FGD4: variants seen among roughly 807,000 people sequenced by gnomAD.
FGD4 encodes FYVE, RhoGEF and PH domain-containing protein 4.
In FGD4, 42 loss-of-function variants were observed where a neutral mutation model predicts 102.0. The ratio of observed to expected loss-of-function variants is 0.41; its 90% CI spans 0.32 to 0.53. The LOEUF (loss-of-function observed/expected upper bound fraction) is 0.53. Among genes scored for constraint, FGD4 ranks in the 20% least tolerant of loss-of-function variants. The pLI, the probability that FGD4 is intolerant of heterozygous loss-of-function variation, is 0.21. For synonymous variants in FGD4, 380 were observed against 375.7 expected (o/e 1.01, Z -0.13); for missense variants, 902 against 1,078.2 (o/e 0.84, Z 2.29).
At chr12:32,626,190 A>T (rs982957848) in intron 14 of FGD4, among the ~76,000 whole-genome samples, 2 of 152,202 alleles carry the variant, frequency 1.3e-5, no homozygotes, top group Non-Finnish European at 2.9e-5. Context: ...TACGCCTATA[A>T]TCCCAGCACT....
chr12:32,470,463 C>CTTTTTTTT (rs551854980), intron 1 of FGD4, among the ~76,000 whole-genome samples: 9 of 130,832 alleles, frequency 6.9e-5, no homozygotes, highest in East Asian at 2.2e-4. Flanking sequence ...TTTTCTTTTT[C>CTTTTTTTT]TTTTTTTTTT....
chr12:32,561,286 C>T (rs922039409), intron 1 of FGD4, among the ~76,000 whole-genome samples: 2 of 151,634 alleles, frequency 1.3e-5, no homozygotes, highest in South Asian at 2.1e-4. Context: ...GGGGTTTTAC[C>T]ATGTTGGCCA....
At chr12:32,576,242 C>T (rs755688214) in intron 2 of FGD4, 24 bp from the exon 3 acceptor site, 1 of 1,553,608 alleles carries the variant, frequency 6.4e-7, no homozygotes, top group Non-Finnish European at 8.7e-7. Context: ...CAGTGAAATA[C>T]TATATTCTAT....
chr12:32,529,578 C>T lies in FGD4; in HGVS notation c.167-34559C>T, dbSNP rs531277842. ...TGACATTGCCGGCCGGGCACGGTAGCTCACGCCTGTAATCCCAGCACTTTG... is the reference window on the plus strand; with the variant it reads ...TGACATTGCCGGCCGGGCACGGTAGTTCACGCCTGTAATCCCAGCACTTTG... On this transcript the variant is annotated intron_variant, in intron 1 of 16. Transcript: ENST00000534526. Among the ~76,000 whole-genome samples, 3 of 151,754 alleles carry T rather than the reference C, an allele frequency of 2.0e-5. No homozygotes were observed. In the East Asian group the frequency reaches 5.9e-4, roughly 30 times the overall value.
chr12:32,589,183 TATTA>T (rs1381175745), intron 4 of FGD4, among the ~76,000 whole-genome samples: 2 of 152,374 alleles, frequency 1.3e-5, no homozygotes, highest in African/African-American at 2.4e-5. Flanking sequence ...GCTATGTGTT[TATTA>T]ATTAAACATC....
At chr12:32,441,177 G>A (rs147232548) in intron 1 of FGD4, among the ~76,000 whole-genome samples, 6,168 of 152,214 alleles carry the variant, frequency 0.041, 193 homozygotes, top group Middle Eastern at 0.13. Flanking sequence ...GCAAGATGAA[G>A]TCCCCTTTAC....
chr12:32,535,570 C>A (rs1306998274), intron 1 of FGD4, among the ~76,000 whole-genome samples: 1 of 152,062 alleles, frequency 6.6e-6, no homozygotes, highest in Non-Finnish European at 1.5e-5. Flanking sequence ...GGCGTTCCAC[C>A]ACTCTTGCAT....
At position 32,399,613 on chromosome 12, in the gene FGD4, G is replaced by A; in HGVS notation, c.-181G>A. ...GAGTCGCCGCAGCCAAACTCGCCGC[G>A]ACGCCGGGAGGGAGCGTACCGGGAA... On this transcript the variant is annotated 5_prime_UTR_variant, in exon 1 of 17. Transcript: ENST00000534526. 1 of 1,389,994 alleles carries A rather than the reference G, an allele frequency of 7.2e-7. No homozygotes were observed. 86.1% of individuals were successfully genotyped at this position (1,389,994 alleles called of 1,614,324 possible). A position where few individuals can be genotyped will look rare whatever the true frequency, so the allele number is the denominator to read the frequency against.
intron 1 of FGD4, among the ~76,000 whole-genome samples, chr12:32,402,407 G>C (rs916056261): frequency 2.0e-5 from 3 of 151,766 alleles, no homozygotes; most frequent in African/African-American, 7.3e-5. Flanking sequence ...CAAAAAGAGA[G>C]GGAGAGGGAG....
At chr12:32,478,182 T>C (rs1565764830) in intron 1 of FGD4, among the ~76,000 whole-genome samples, 1 of 152,220 alleles carries the variant, frequency 6.6e-6, no homozygotes, top group African/African-American at 2.4e-5. Flanking sequence ...TTTAATGCTT[T>C]TGTTTCTGGT....
chr12:32,529,607 G>A (rs1044040729), intron 1 of FGD4, among the ~76,000 whole-genome samples: 4 of 151,788 alleles, frequency 2.6e-5, no homozygotes, highest in Non-Finnish European at 5.9e-5. Flanking sequence ...CACTTTGGGA[G>A]GCTGAGGTGG....
intron 10 of FGD4, among the ~76,000 whole-genome samples, chr12:32,613,365 G>C (rs73083471): frequency 6.6e-6 from 1 of 152,188 alleles, no homozygotes; most frequent in African/African-American, 2.4e-5. Context: ...ACTATGCGTA[G>C]ATTTCAAAGC....
At chr12:32,543,750 C>T (rs1401207527) in intron 1 of FGD4, among the ~76,000 whole-genome samples, 3 of 152,150 alleles carry the variant, frequency 2.0e-5, no homozygotes, top group Admixed American at 2.0e-4. Context: ...CCTCAGCCTC[C>T]CAAGTAGCTG....
intron 1 of FGD4, among the ~76,000 whole-genome samples, chr12:32,563,846 C>G (rs879243080): frequency 6.6e-6 from 1 of 152,224 alleles, no homozygotes; most frequent in Non-Finnish European, 1.5e-5. Flanking sequence ...CAAAAAAGTA[C>G]GAAAACCAAT....
chr12:32,451,120 TC>T lies in FGD4; in HGVS notation c.166+51162del, dbSNP rs1477176968. Among the ~76,000 whole-genome samples, 3 of 152,340 alleles carry T rather than the reference TC, an allele frequency of 2.0e-5. No individual in the cohort carries two copies. In the East Asian group the frequency reaches 5.8e-4, roughly 29 times the overall value. On this transcript the variant is annotated intron_variant, in intron 1 of 16. Transcript: ENST00000534526. ...CAAAGAGCAAAAGTTCTTATTGAGG[TC>T]TTGCCTATCTCCTTTAACCTTAAAT...
intron 1 of FGD4, among the ~76,000 whole-genome samples, chr12:32,438,844 G>A (rs543633872): frequency 6.4e-4 from 97 of 152,082 alleles, no homozygotes; most frequent in East Asian, 1.9e-3. Flanking sequence ...TCCTGACCTC[G>A]TGATCCGCCT....
At chr12:32,434,863 GA>G (rs1274345501) in intron 1 of FGD4, among the ~76,000 whole-genome samples, 1 of 152,064 alleles carries the variant, frequency 6.6e-6, no homozygotes, top group Non-Finnish European at 1.5e-5. Flanking sequence ...TGAATAAGAT[GA>G]AAAAAATCAA....
chr12:32,520,169 CTCT>C (rs1357443127), intron 1 of FGD4, among the ~76,000 whole-genome samples: 1 of 152,108 alleles, frequency 6.6e-6, no homozygotes, highest in Non-Finnish European at 1.5e-5. Flanking sequence ...CGATGAATCT[CTCT>C]TCATGGCAGT....
chr12:32,630,561 TC>T (rs1330581357), intron 14 of FGD4, among the ~76,000 whole-genome samples: 1 of 151,990 alleles, frequency 6.6e-6, no homozygotes, highest in Non-Finnish European at 1.5e-5. Flanking sequence ...ATGCCTGTAA[TC>T]CCAGCACTTT....
Sources: allele counts gnomAD v4.1 joint callset (sites outside exome capture counted in the v4.1 genomes callset), GRCh38; gene constraint gnomAD v4.1.1; transcripts MANE v1.5; gene names NCBI Gene and HGNC (gene_info 2026-07-23, HGNC 2026-07-21).